FDX1: variants seen among roughly 807,000 people sequenced by gnomAD.
FDX1 encodes the protein adrenodoxin, mitochondrial.
FDX1 carries 9 observed loss-of-function variants against 14.9 expected under a neutral mutation model. The observed-to-expected ratio is 0.60, with a 90% CI of 0.36 to 1.05. The LOEUF is 1.05. Among genes scored for constraint, FDX1 ranks in the 50% least tolerant of loss-of-function variants. The probability of loss-of-function intolerance (pLI) is 0.01; values close to 1 mark genes in which losing one functional copy is unlikely to be tolerated. For synonymous variants in FDX1, 92 were observed against 99.4 expected, an observed-to-expected ratio of 0.93 and a Z score of 0.44; for missense variants, 204 against 237.2, an observed-to-expected ratio of 0.86 and a Z score of 0.92.
At chr11:110,455,332 A>G (rs1017929489) in intron 2 of FDX1, among the ~76,000 whole-genome samples, 1 of 152,142 alleles carries the variant, frequency 6.6e-6, no homozygotes, top group African/African-American at 2.4e-5. Context: ...AAATATAAAT[A>G]ATAAATGCTT....
At chr11:110,450,499 C>G (rs189871258) in intron 2 of FDX1, among the ~76,000 whole-genome samples, 2 of 152,320 alleles carry the variant, frequency 1.3e-5, no homozygotes, top group African/African-American at 4.8e-5. Flanking sequence ...CCCTCACTTG[C>G]CCTCTGCTCA....
intron 2 of FDX1, among the ~76,000 whole-genome samples, chr11:110,454,424 CT>C (rs1326329882): frequency 6.6e-6 from 1 of 152,090 alleles, no homozygotes; most frequent in African/African-American, 2.4e-5. Context: ...GCATATGAGC[CT>C]TTTATCTCCA....
Position 110,435,976 on chromosome 11 carries a change from C to T in FDX1, c.310+18C>T. On this transcript the variant is annotated intron_variant, in intron 2 of 3. Coordinates refer to ENST00000260270, the MANE Select transcript of FDX1 (RefSeq NM_004109.5). ...TGGCTTTGGTGAGTATGAAACATTT[C>T]TTAAAATGCATAAGTGAAACTGTTA... is the stretch of plus-strand genomic sequence containing the variant. 1.3e-6 allele frequency: 2 copies of T among 1,589,196 alleles called. No homozygotes were observed. The highest frequency in any genetic ancestry group is 1.4e-5 in the African/African-American group (1 of 73,134).
chr11:110,448,484 C>T (rs1405435881), intron 2 of FDX1, among the ~76,000 whole-genome samples: 2 of 152,100 alleles, frequency 1.3e-5, no homozygotes, highest in African/African-American at 4.8e-5. Context: ...ACAAAATGAT[C>T]TTAATATGAG....
chr11:110,458,841 A>G (rs1946539501), intron 3 of FDX1, among the ~76,000 whole-genome samples: 1 of 152,046 alleles, frequency 6.6e-6, no homozygotes, highest in Non-Finnish European at 1.5e-5. Flanking sequence ...TCCTGACCTC[A>G]TGATCTGCCC....
chr11:110,435,657 G>C (rs929411985), intron 1 of FDX1, among the ~76,000 whole-genome samples, 177 bp from the exon 2 acceptor site: 1 of 152,194 alleles, frequency 6.6e-6, no homozygotes, highest in African/African-American at 2.4e-5. Flanking sequence ...AGACCAGCTT[G>C]AGCAACATGG....
At position 110,456,934 on chromosome 11, in the gene FDX1, C is replaced by G. The variant is rs1238423312; in HGVS notation, c.327C>G (p.Thr109=). 6.2e-7 allele frequency: 1 copy of G among 1,611,878 alleles called. No individual in the cohort carries two copies. Among genetic ancestry groups the G allele is most frequent in the Non-Finnish European group, 8.5e-7 (1 of 1,178,846 alleles). ...TTTTGTCAGGTGCATGTGAGGGAAC[C>G]CTGGCTTGTTCAACCTGTCACCTCA... The part of the protein sequence containing the change: ...DIDGFGACEG[T]LACSTCHLIF... Residue 109 remains threonine (T), a synonymous_variant, in exon 3 of 4, where the codon ACC becomes ACG. Coordinates refer to ENST00000260270, the MANE Select transcript of FDX1 (RefSeq NM_004109.5).
chr11:110,450,326 CATT>C (rs1311109232), intron 2 of FDX1, among the ~76,000 whole-genome samples: 2 of 151,892 alleles, frequency 1.3e-5, no homozygotes, highest in African/African-American at 4.8e-5. Context: ...GATCATCAGG[CATT>C]AGATTCTCAT....
chr11:110,447,418 T>TG (rs1946458684), intron 2 of FDX1, among the ~76,000 whole-genome samples: 1 of 151,950 alleles, frequency 6.6e-6, no homozygotes, highest in Non-Finnish European at 1.5e-5. Flanking sequence ...TGCACCACTG[T>TG]ACTCCAGTCT....
intron 2 of FDX1, among the ~76,000 whole-genome samples, chr11:110,436,180 G>GTGGCCTCA (rs2134567916): frequency 6.6e-6 from 1 of 152,272 alleles, no homozygotes; most frequent in Non-Finnish European, 1.5e-5. Flanking sequence ...GAAATCTGCT[G>GTGGCCTCA]TGGCCTCATT....
intron 1 of FDX1, among the ~76,000 whole-genome samples, chr11:110,433,504 G>A (rs1019441407): frequency 2.0e-5 from 3 of 152,148 alleles, no homozygotes; most frequent in African/African-American, 7.2e-5. Flanking sequence ...CCTCCTGGAT[G>A]TCTGTTAAGT....
In FDX1 at chr11:110,430,091, G is replaced by A. The variant is rs1946319058; in HGVS notation, c.-30G>A. 1 of 1,216,786 alleles carries A rather than the reference G, an allele frequency of 8.2e-7. No individual in the cohort carries two copies. Among genetic ancestry groups the A allele is most frequent in the South Asian group, 3.8e-5 (1 of 26,344 alleles). 75.4% of individuals were successfully genotyped at this position (1,216,786 alleles called of 1,614,324 possible). ...CTCGCGGCCTCAAAGCGCGGCCTGC[G>A]TCGCTTCCGGCAGTTCCCGACCGCG... On this transcript the variant is annotated 5_prime_UTR_variant, in exon 1 of 4. Coordinates refer to ENST00000260270, the MANE Select transcript of FDX1 (RefSeq NM_004109.5).
chr11:110,456,401 A>G (rs1946521708), intron 2 of FDX1, among the ~76,000 whole-genome samples: 2 of 152,122 alleles, frequency 1.3e-5, no homozygotes, highest in Non-Finnish European at 2.9e-5. Flanking sequence ...AAATAATATA[A>G]CGTGAGGGAT....
At chr11:110,454,359 G>A (rs1034556946) in intron 2 of FDX1, among the ~76,000 whole-genome samples, 2 of 152,158 alleles carry the variant, frequency 1.3e-5, no homozygotes, top group Non-Finnish European at 2.9e-5. Context: ...TCTTCCTTTC[G>A]ACTGGCTACT....
intron 2 of FDX1, among the ~76,000 whole-genome samples, chr11:110,441,647 G>A (rs1946404915): frequency 6.6e-6 from 1 of 152,210 alleles, no homozygotes; most frequent in South Asian, 2.1e-4. Context: ...GGTGACTTGG[G>A]TGCTGTTAAA....
At position 110,430,189 on chromosome 11, in the gene FDX1, G is replaced by A. The variant is rs1946320404; in HGVS notation, c.69G>A (p.Arg23=). The part of the protein sequence containing the change: ...ASAVLGGPAG[R]WLHHAGSRAG... The stretch of plus-strand genomic sequence containing the variant: ...CTGTCCTCGGCGGCCCGGCCGGCCG[G>A]TGGCTGCACCACGCTGGGTCCCGCG... The change falls in exon 1 of 4, where the codon CGG becomes CGA. Residue 23 remains arginine (R), a synonymous_variant. Transcript: ENST00000260270. The A allele has an allele frequency of 8.1e-7, 1 of 1,230,010 alleles. No homozygotes were observed. Among genetic ancestry groups the A allele is most frequent in the African/African-American group, 1.6e-5 (1 of 63,748 alleles). 76.2% of individuals were successfully genotyped at this position (1,230,010 alleles called of 1,614,324 possible).
chr11:110,453,865 G>A (rs1019603549), intron 2 of FDX1, among the ~76,000 whole-genome samples: 3 of 152,178 alleles, frequency 2.0e-5, no homozygotes, highest in Admixed American at 1.3e-4. Flanking sequence ...CTGACCGTTA[G>A]CTTTCTCTGG....
intron 2 of FDX1, among the ~76,000 whole-genome samples, chr11:110,437,824 A>C (rs1231527435): frequency 6.6e-6 from 1 of 152,076 alleles, no homozygotes; most frequent in Admixed American, 6.6e-5. Context: ...CCCAGTATCT[A>C]CTGTTCCCAA....
intron 1 of FDX1, among the ~76,000 whole-genome samples, chr11:110,434,334 A>ATTTATTGATTTGCTTTT (rs71476086): frequency 7.9e-6 from 1 of 126,408 alleles, no homozygotes; most frequent in East Asian, 2.4e-4. Context: ...CGCCCTATTG[A>ATTTATTGATTTGCTTTT]TTTTTTTTTT....
Sources: allele counts gnomAD v4.1 joint callset (sites outside exome capture counted in the v4.1 genomes callset), GRCh38; gene constraint gnomAD v4.1.1; transcripts MANE v1.5; gene names NCBI Gene and HGNC (gene_info 2026-07-23, HGNC 2026-07-21).